The following BCHE variants were observed in gnomAD, a reference collection of about 807,000 sequenced individuals.
BCHE encodes butyrylcholinesterase.
Under a neutral mutation model 51.3 loss-of-function variants are expected in BCHE, and 48 were observed. The ratio of observed to expected loss-of-function variants is 0.94; its 90% confidence interval spans 0.74 to 1.19. The LOEUF (loss-of-function observed/expected upper bound fraction) is 1.19, where lower values mean the gene tolerates loss of function less well. Ranked by LOEUF, BCHE falls within the 50% of genes most tolerant of loss-of-function variation. The pLI is 0.00. For missense variants in BCHE, 847 were observed against 708.2 expected, an observed-to-expected ratio of 1.20 and a Z score of -2.23; for synonymous variants, 251 against 238.0, an observed-to-expected ratio of 1.05 and a Z score of -0.50.
chr3:165,803,675 G>T (rs928207734), intron 2 of BCHE, among the ~76,000 whole-genome samples: 1 of 152,154 alleles, frequency 6.6e-6, no homozygotes, highest in African/African-American at 2.4e-5. Context: ...ACTGGCAGTG[G>T]AGAATGATGA....
intron 2 of BCHE, among the ~76,000 whole-genome samples, chr3:165,801,544 C>T (rs1216113887): frequency 5.9e-5 from 9 of 151,820 alleles, no homozygotes; most frequent in African/African-American, 1.9e-4. Flanking sequence ...ATATAATATA[C>T]ATTATAAAGA....
rs148174632 is a variant in BCHE, at chr3:165,820,582, C to T, written c.1517+8935G>A. Among the ~76,000 whole-genome samples the T allele has an allele frequency of 6.1e-3, 921 of 152,004 alleles. 6 individuals are homozygous for T. The highest frequency in any genetic ancestry group is 0.02 in the African/African-American group (834 of 41,500). On this transcript the variant is annotated intron_variant, in intron 2 of 3. Transcript: ENST00000264381. ...CTTTTTTAAAGTCATGAAAATGTTC[C>T]ATTGGGTTAATTATGATAATATACC...
intron 2 of BCHE, among the ~76,000 whole-genome samples, chr3:165,788,000 A>T (rs1283046639): frequency 5.3e-5 from 8 of 150,798 alleles, no homozygotes; most frequent in Non-Finnish European, 7.4e-5. Flanking sequence ...TCATATTAAG[A>T]AAAACTCTGG....
intron 3 of BCHE, among the ~76,000 whole-genome samples, chr3:165,774,127 A>G (rs2686406): frequency 0.91 from 138,788 of 152,056 alleles, 63,851 homozygotes; most frequent in Non-Finnish European, 0.97. Flanking sequence ...ATATTGTTTA[A>G]GGAATAATGA....
At chr3:165,784,170 C>G (rs559911877) in intron 3 of BCHE, among the ~76,000 whole-genome samples, 4 of 151,960 alleles carry the variant, frequency 2.6e-5, no homozygotes, top group Non-Finnish European at 4.4e-5. Context: ...ATCTGACTAA[C>G]GCATTCTCAA....
chr3:165,776,758 T>A (rs995192599), intron 3 of BCHE, among the ~76,000 whole-genome samples: 7 of 151,750 alleles, frequency 4.6e-5, no homozygotes, highest in African/African-American at 1.7e-4. Flanking sequence ...TTTAATTATA[T>A]TTTATAAAGA....
intron 2 of BCHE, among the ~76,000 whole-genome samples, chr3:165,815,022 T>C (rs903261402): frequency 2.0e-5 from 3 of 149,028 alleles, no homozygotes; most frequent in Non-Finnish European, 4.5e-5. Context: ...ATTATATTCA[T>C]ACCAATATAT....
At position 165,797,543 on chromosome 3, in the gene BCHE, C is replaced by T. The variant is rs577712547; in HGVS notation, c.1518-11232G>A. Among the ~76,000 whole-genome samples the T allele has an allele frequency of 2.3e-4, 35 of 151,794 alleles. No homozygotes were observed. In the South Asian group the frequency reaches 7.3e-3, roughly 32 times the overall value. The stretch of plus-strand genomic sequence containing the variant: ...GATCATACGAATCCCAGAGGAGTGA[C>T]AGCCTAATGATCTGTAGAAAGCTCA... On this transcript the variant is annotated intron_variant, in intron 2 of 3. Transcript: ENST00000264381.
At position 165,829,664 on chromosome 3, in the gene BCHE, G is replaced by C. The variant is rs761774959; in HGVS notation, c.1370C>G (p.Pro457Arg). The C allele has an allele frequency of 6.2e-7, 1 of 1,613,770 alleles. No individual in the cohort carries two copies. Among genetic ancestry groups the C allele is most frequent in the South Asian group, 1.1e-5 (1 of 91,066 alleles). ...CATCACTCCCATCCATTCTGGCCAC[G>C]GAAGTTTGGAGGATCGGTGTTCAAA... is the stretch of plus-strand genomic sequence containing the variant. ...YYFEHRSSKL[P>R]WPEWMGVMHG... Residue 457 changes from proline (P) to arginine (R), a missense_variant, in exon 2 of 4, where the codon CCG becomes CGG. By Grantham distance (103) the Pro-to-Arg change is moderately radical (BLOSUM62 -2). Transcript: ENST00000264381.
intron 2 of BCHE, among the ~76,000 whole-genome samples, chr3:165,794,057 A>G (rs1713272933): frequency 1.3e-5 from 2 of 152,074 alleles, no homozygotes; most frequent in African/African-American, 4.8e-5. Flanking sequence ...AAATAAAAAA[A>G]AAAAAATACA....
In BCHE at chr3:165,809,028, A is replaced by ATAT. The variant is rs534659205; in HGVS notation, c.1517+20486_1517+20488dup. Among the ~76,000 whole-genome samples the ATAT allele has an allele frequency of 5.3e-5, 8 of 152,238 alleles. No homozygotes were observed. The East Asian group carries it at 1.5e-3, about 29-fold the overall frequency. ...TTTATCCCTTTTGACTTTATATATT[A>ATAT]TATTAAGTTTAAAAAGTAAGAAAGC... is the stretch of plus-strand genomic sequence containing the variant. On this transcript the variant is annotated intron_variant, in intron 2 of 3. Coordinates refer to ENST00000264381, the MANE Select transcript of BCHE (RefSeq NM_000055.4).
chr3:165,820,131 C>T (rs953652566), intron 2 of BCHE, among the ~76,000 whole-genome samples: 9 of 152,096 alleles, frequency 5.9e-5, no homozygotes, highest in South Asian at 4.1e-4. Flanking sequence ...TGCTGCACTG[C>T]GAGAGAGTAT....
rs1171379790 is a variant in BCHE, at chr3:165,837,349, G to T, written c.-44C>A. The T allele has an allele frequency of 1.6e-6, 2 of 1,289,744 alleles. No homozygotes were observed. Among genetic ancestry groups the T allele is most frequent in the South Asian group, 2.5e-5 (2 of 81,034 alleles). 79.9% of individuals were successfully genotyped at this position (1,289,744 alleles called of 1,614,324 possible). A position where few individuals can be genotyped will look rare whatever the true frequency, so the allele number is the denominator to read the frequency against. On this transcript the variant is annotated 5_prime_UTR_variant, in exon 1 of 4. Transcript: ENST00000264381. ...GCAACAAAGATGGCAAAGTTTGCAA[G>T]GAGTGAAAATCATGTAATACTTCGG... is the stretch of plus-strand genomic sequence containing the variant.
intron 2 of BCHE, among the ~76,000 whole-genome samples, chr3:165,826,060 A>T (rs546835447): frequency 1.2e-4 from 18 of 152,196 alleles, no homozygotes; most frequent in Admixed American, 5.2e-4. Flanking sequence ...GGGAGTATAA[A>T]ATTCTCAACT....
intron 2 of BCHE, among the ~76,000 whole-genome samples, chr3:165,793,144 T>C (rs1479285020): frequency 1.3e-5 from 2 of 152,216 alleles, no homozygotes; most frequent in African/African-American, 2.4e-5. Flanking sequence ...TTTCTTCTAG[T>C]AATTTTATGG....
chr3:165,830,087 A>T lies in BCHE; in HGVS notation c.947T>A (p.Val316Glu). 1 of 1,613,638 alleles carries T rather than the reference A, an allele frequency of 6.2e-7. No individual in the cohort carries two copies. The highest frequency in any genetic ancestry group is 1.1e-5 in the South Asian group (1 of 91,040). Residue 316 changes from valine to glutamate, a missense_variant, in exon 2 of 4, where the codon GTA becomes GAA. Val to Glu is a moderately radical substitution (Grantham distance 121, BLOSUM62 -2). Transcript: ENST00000264381. ...FVVPYGTPLS[V>E]NFGPTVDGDF... ...ACCATCCACGGTCGGACCAAAGTTT[A>T]CTGACAAAGGAGTCCCATAGGGGAC...
Position 165,824,073 on chromosome 3 carries a change from AG to A in BCHE, c.1517+5443del, listed in dbSNP as rs1356714581. ...ATTACAGGCATGAACCACCATGTTC[AG>A]CCTAAGATTATTCTTACATGAAAGC... is the stretch of plus-strand genomic sequence containing the variant. On this transcript the variant is annotated intron_variant, in intron 2 of 3. Coordinates refer to ENST00000264381, the MANE Select transcript of BCHE (RefSeq NM_000055.4). Among the ~76,000 whole-genome samples the A allele has an allele frequency of 2.0e-5, 3 of 152,040 alleles. No homozygotes were observed. In the East Asian group the frequency reaches 5.8e-4, roughly 29 times the overall value.
At chr3:165,808,143 C>G (rs1236840963) in intron 2 of BCHE, among the ~76,000 whole-genome samples, 3 of 152,062 alleles carry the variant, frequency 2.0e-5, no homozygotes, top group Non-Finnish European at 4.4e-5. Context: ...GCCACCACGC[C>G]TGGCTAATTT....
In BCHE at chr3:165,829,647, C is replaced by CG; in HGVS notation, c.1386_1387insC (p.Gly463ArgfsTer7). On this transcript the variant is annotated frameshift_variant, in exon 2 of 4. Coordinates refer to ENST00000264381, the MANE Select transcript of BCHE (RefSeq NM_000055.4). LOFTEE classifies it high-confidence loss of function. ...TCAATTTCATAGCCATGCATCACTC[C>CG]CATCCATTCTGGCCACGGAAGTTTG... The CG allele has an allele frequency of 6.2e-7, 1 of 1,613,818 alleles. No individual in the cohort carries two copies. Among genetic ancestry groups the CG allele is most frequent in the Non-Finnish European group, 8.5e-7 (1 of 1,179,878 alleles).
Sources: gnomAD v4.1 joint callset for allele counts (sites outside exome capture counted in the v4.1 genomes callset) on GRCh38, gnomAD v4.1.1 for gene constraint, MANE v1.5 for transcripts, NCBI Gene and HGNC (gene_info 2026-07-23, HGNC 2026-07-21) for gene names.